Variants in KCND3 observed in about 807,000 individuals in gnomAD.
KCND3 encodes the protein A-type voltage-gated potassium channel KCND3.
Under a neutral mutation model 51.1 loss-of-function variants are expected in KCND3, and 9 were observed. That is an observed-to-expected ratio of 0.18 (90% CI 0.11 to 0.31). KCND3 has a LOEUF of 0.31. Among genes scored for constraint, KCND3 ranks in the 10% least tolerant of loss-of-function variants. The probability of loss-of-function intolerance (pLI) is 1.00; values close to 1 mark genes in which losing one functional copy is unlikely to be tolerated. For synonymous variants in KCND3, 349 were observed against 368.0 expected, an observed-to-expected ratio of 0.95 and a Z score of 0.59; for missense variants, 526 against 903.8, an observed-to-expected ratio of 0.58 and a Z score of 5.36.
In KCND3 at chr1:111,982,409, C is replaced by T. The variant is rs770807162; in HGVS notation, c.318G>A (p.Pro106=). The T allele has an allele frequency of 6.8e-6, 11 of 1,614,046 alleles. No individual in the cohort carries two copies. The highest frequency in any genetic ancestry group is 2.7e-5 in the African/African-American group (2 of 74,922). ...NFYRTGKLHY[P]RYECISAYDD... ...CGTAGGCAGAGATGCACTCGTAGCG[C>T]GGGTAGTGCAGCTTCCCCGTGCGGT... Residue 106 remains proline (P), a synonymous_variant, in exon 2 of 8, where the codon CCG becomes CCA. Coordinates refer to ENST00000302127, the MANE Select transcript of KCND3 (RefSeq NM_001378969.1). The surrounding 1 kb of genome is among the most constrained non-coding windows in gnomAD (Gnocchi z 8.5).
chr1:111,936,092 T>A (rs996141948), intron 2 of KCND3, among the ~76,000 whole-genome samples: 1 of 152,232 alleles, frequency 6.6e-6, no homozygotes, highest in Non-Finnish European at 1.5e-5. Context: ...TTACACACAG[T>A]CACATTGCAT....
At chr1:111,914,916 A>C (rs937171363) in intron 2 of KCND3, among the ~76,000 whole-genome samples, 1 of 152,234 alleles carries the variant, frequency 6.6e-6, no homozygotes, top group South Asian at 2.1e-4. Flanking sequence ...TTAACTGTTT[A>C]GAACAAAAAT....
chr1:111,944,613 T>C lies in KCND3; in HGVS notation c.1106+37008A>G, dbSNP rs141678752. 2.9e-3 allele frequency among the ~76,000 whole-genome samples: 438 copies of C among 152,372 alleles called. 4 individuals carry two copies. The highest frequency in any genetic ancestry group is 0.01 in the African/African-American group (422 of 41,594). Reference sequence around the variant, plus strand: ...CCTCCCAGCAGGCTGTGTGGGGGCATGTGCATGCTGCCCTGTAATGGATCT... The same window carrying C: ...CCTCCCAGCAGGCTGTGTGGGGGCACGTGCATGCTGCCCTGTAATGGATCT... On this transcript the variant is annotated intron_variant, in intron 2 of 7. Coordinates refer to ENST00000302127, the MANE Select transcript of KCND3 (RefSeq NM_001378969.1).
chr1:111,955,582 C>T (rs140205928), intron 2 of KCND3, among the ~76,000 whole-genome samples: 22 of 152,306 alleles, frequency 1.4e-4, no homozygotes, highest in East Asian at 5.8e-4. Context: ...GCGTCTCCCT[C>T]GCTGGGCCCT....
chr1:111,879,312 T>C (rs34355640), intron 2 of KCND3, among the ~76,000 whole-genome samples: 5,603 of 151,924 alleles, frequency 0.037, 129 homozygotes, highest in East Asian at 0.11. Flanking sequence ...GGCTTGGAGG[T>C]TGGTAGGTTG....
At chr1:111,943,848 G>A (rs17029132) in intron 2 of KCND3, among the ~76,000 whole-genome samples, 25,880 of 152,166 alleles carry the variant, frequency 0.17, 2,371 homozygotes, top group African/African-American at 0.22. Flanking sequence ...AAGTTGACTC[G>A]GCCCAGGAGT....
At chr1:111,875,565 T>C (rs1669012413) in intron 2 of KCND3, among the ~76,000 whole-genome samples, 1 of 152,128 alleles carries the variant, frequency 6.6e-6, no homozygotes, top group Non-Finnish European at 1.5e-5. Flanking sequence ...TCAGGGAGAA[T>C]TCTCTAGGAA....
chr1:111,907,978 T>C lies in KCND3; in HGVS notation c.1106+73643A>G, dbSNP rs370025664. On this transcript the variant is annotated intron_variant, in intron 2 of 7. Transcript: ENST00000302127. The stretch of plus-strand genomic sequence containing the variant: ...TCTACTTGAAATTCATTCATTCATT[T>C]ACTCAATTAATATTTGTAGAGTGCC... 6.6e-5 allele frequency among the ~76,000 whole-genome samples: 10 copies of C among 152,360 alleles called. No individual in the cohort carries two copies. In the East Asian group the frequency reaches 1.3e-3, roughly 21 times the overall value.
chr1:111,820,742 T>G (rs1252564705), intron 2 of KCND3, among the ~76,000 whole-genome samples: 1 of 152,102 alleles, frequency 6.6e-6, no homozygotes, highest in Non-Finnish European at 1.5e-5. Flanking sequence ...GTAATCAAGT[T>G]AAGAGGAGGA....
In KCND3 at chr1:111,877,828, C is replaced by T. The variant is rs150298942; in HGVS notation, c.1107-90722G>A. ...TAATGGGAGCCAGCCTTGGACTGTA[C>T]ATTTGTGGTGGATATTCAACTAGCA... On this transcript the variant is annotated intron_variant, in intron 2 of 7. Coordinates refer to ENST00000302127, the MANE Select transcript of KCND3 (RefSeq NM_001378969.1). Among the ~76,000 whole-genome samples, 695 of 152,258 alleles carry T rather than the reference C, an allele frequency of 4.6e-3. 7 individuals carry two copies. The highest frequency in any genetic ancestry group is 0.015 in the African/African-American group (641 of 41,538).
chr1:111,806,932 T>A (rs1665598603), intron 2 of KCND3, among the ~76,000 whole-genome samples: 1 of 152,206 alleles, frequency 6.6e-6, no homozygotes. Flanking sequence ...GAAGACGAAT[T>A]GAGAGTAAAT....
chr1:111,987,967 T>A (rs1477390056), intron 1 of KCND3, among the ~76,000 whole-genome samples: 1 of 152,142 alleles, frequency 6.6e-6, no homozygotes, highest in African/African-American at 2.4e-5. Flanking sequence ...AGTTACTCCA[T>A]TAAACAGCTT....
At chr1:111,927,710 T>C (rs969257720) in intron 2 of KCND3, among the ~76,000 whole-genome samples, 1 of 152,200 alleles carries the variant, frequency 6.6e-6, no homozygotes, top group African/African-American at 2.4e-5. Context: ...TGCTGGGCAC[T>C]GTGCTAGGCA....
chr1:111,868,165 G>T (rs926779872), intron 2 of KCND3, among the ~76,000 whole-genome samples: 2 of 152,180 alleles, frequency 1.3e-5, no homozygotes, highest in African/African-American at 4.8e-5. Context: ...TCCAGAAATA[G>T]ACAATTCATA....
Position 111,815,152 on chromosome 1 carries a change from A to G in KCND3, c.1107-28046T>C, listed in dbSNP as rs554695947. 4.6e-5 allele frequency among the ~76,000 whole-genome samples: 7 copies of G among 152,114 alleles called. No homozygotes were observed. In the East Asian group the frequency reaches 1.4e-3, roughly 29 times the overall value. The stretch of plus-strand genomic sequence containing the variant: ...GAGCCTTGGTGGTAGAACCTGGACT[A>G]GAATCTATGGGGCATCCAGGCAAAC... On this transcript the variant is annotated intron_variant, in intron 2 of 7. Transcript: ENST00000302127.
rs568017769 is a variant in KCND3, at chr1:111,905,523, A to G, written c.1106+76098T>C. Among the ~76,000 whole-genome samples, 6 of 152,346 alleles carry G rather than the reference A, an allele frequency of 3.9e-5. No individual in the cohort carries two copies. The South Asian group carries it at 1.0e-3, about 26-fold the overall frequency. ...TCTGGTGTTTACCAAACACTGGACC[A>G]TGCGTCTGCAGCAACAGAACTCCCT... On this transcript the variant is annotated intron_variant, in intron 2 of 7. Transcript: ENST00000302127.
At chr1:111,875,757 T>G (rs1669023924) in intron 2 of KCND3, among the ~76,000 whole-genome samples, 1 of 152,258 alleles carries the variant, frequency 6.6e-6, no homozygotes, top group African/African-American at 2.4e-5. Context: ...ACTCGGGGCC[T>G]CCAGATTCAG....
At chr1:111,871,809 G>A (rs1447481435) in intron 2 of KCND3, among the ~76,000 whole-genome samples, 1 of 152,188 alleles carries the variant, frequency 6.6e-6, no homozygotes, top group Non-Finnish European at 1.5e-5. Flanking sequence ...AACAAAAGGA[G>A]TAATGACCAG....
At chr1:111,809,863 A>G (rs1665769539) in intron 2 of KCND3, among the ~76,000 whole-genome samples, 4 of 152,202 alleles carry the variant, frequency 2.6e-5, no homozygotes, top group Admixed American at 2.6e-4. Flanking sequence ...CAGGGAGATG[A>G]AATTTCTCTT....
Sources: gnomAD v4.1 joint callset for allele counts (sites outside exome capture counted in the v4.1 genomes callset) on GRCh38, gnomAD v4.1.1 for gene constraint, Gnocchi (gnomAD v3.1) non-coding constraint, MANE v1.5 for transcripts, NCBI Gene and HGNC (gene_info 2026-07-23, HGNC 2026-07-21) for gene names.